Variants in GALNTL6 observed in about 807,000 individuals in gnomAD.
GALNTL6 encodes polypeptide N-acetylgalactosaminyltransferase-like 6.
GALNTL6 carries 46 observed loss-of-function variants against 73.7 expected under a neutral mutation model. That is an observed-to-expected ratio of 0.62 (90% CI 0.49 to 0.80). GALNTL6 has a LOEUF of 0.80. GALNTL6 is among the 30% of genes least tolerant of loss of function. The pLI, the probability that GALNTL6 is intolerant of heterozygous loss-of-function variation, is 0.00. For missense variants in GALNTL6, 604 were observed against 755.0 expected (o/e 0.80, Z 2.34); for synonymous variants, 259 against 263.7 (o/e 0.98, Z 0.17).
chr4:172,839,239 T>A (rs769244240), intron 7 of GALNTL6, among the ~76,000 whole-genome samples: 6 of 152,080 alleles, frequency 3.9e-5, no homozygotes, highest in Non-Finnish European at 7.4e-5. Flanking sequence ...GCTGCCAGAG[T>A]TGTTATGCCT....
chr4:171,996,690 C>T (rs112657907), intron 2 of GALNTL6, among the ~76,000 whole-genome samples: 14 of 145,990 alleles, frequency 9.6e-5, no homozygotes, highest in Middle Eastern at 3.6e-3. Flanking sequence ...TCTCTTGGGC[C>T]ACACATAATA....
chr4:172,595,192 G>A (rs1271695782), intron 5 of GALNTL6, among the ~76,000 whole-genome samples: 2 of 152,106 alleles, frequency 1.3e-5, no homozygotes, highest in Non-Finnish European at 2.9e-5. Context: ...ATGAATTTGT[G>A]GGGGAGCACA....
At chr4:172,331,790 T>G (rs1341366965) in intron 4 of GALNTL6, among the ~76,000 whole-genome samples, 1 of 152,180 alleles carries the variant, frequency 6.6e-6, no homozygotes, top group East Asian at 1.9e-4. Flanking sequence ...CAACAAACAT[T>G]TGGGTTTCTT....
At chr4:172,393,170 G>A (rs1404526186) in intron 5 of GALNTL6, among the ~76,000 whole-genome samples, 1 of 152,142 alleles carries the variant, frequency 6.6e-6, no homozygotes, top group African/African-American at 2.4e-5. Flanking sequence ...TGCCAAAAAG[G>A]GAGCCGCTGC....
chr4:171,955,405 C>A (rs939959441), intron 2 of GALNTL6, among the ~76,000 whole-genome samples: 4 of 151,662 alleles, frequency 2.6e-5, no homozygotes, highest in African/African-American at 7.3e-5. Flanking sequence ...TGTTTACACA[C>A]ACACATACAG....
chr4:171,864,343 A>G (rs904814672), intron 2 of GALNTL6, among the ~76,000 whole-genome samples: 1 of 151,566 alleles, frequency 6.6e-6, no homozygotes, highest in Non-Finnish European at 1.5e-5. Flanking sequence ...AGAAAATGAA[A>G]GACAACTCAG....
intron 10 of GALNTL6, among the ~76,000 whole-genome samples, chr4:172,999,361 C>T (rs1165526138): frequency 2.0e-5 from 3 of 152,222 alleles, no homozygotes; most frequent in East Asian, 1.9e-4. Context: ...CACACACACA[C>T]GAAAAACCTT....
At chr4:172,488,381 A>G (rs753349417) in intron 5 of GALNTL6, among the ~76,000 whole-genome samples, 17 of 152,168 alleles carry the variant, frequency 1.1e-4, no homozygotes, top group Non-Finnish European at 1.5e-4. Context: ...ACCTGGGAAG[A>G]TGGTGTCTAG....
At chr4:172,002,556 A>G (rs187484575) in intron 2 of GALNTL6, among the ~76,000 whole-genome samples, 153 of 152,212 alleles carry the variant, frequency 1.0e-3, no homozygotes, top group African/African-American at 3.6e-3. Context: ...GATCTGTAAT[A>G]CTAACTATAT....
intron 5 of GALNTL6, among the ~76,000 whole-genome samples, chr4:172,781,439 A>C (rs1739363335): frequency 6.6e-6 from 1 of 152,240 alleles, no homozygotes; most frequent in South Asian, 2.1e-4. Flanking sequence ...CTGAGAATAA[A>C]ATGAAACAAG....
intron 5 of GALNTL6, among the ~76,000 whole-genome samples, chr4:172,395,653 T>A (rs1743822388): frequency 6.6e-6 from 1 of 152,290 alleles, no homozygotes; most frequent in Admixed American, 6.5e-5. Context: ...GAAGTCTGAC[T>A]TAATGTAGTT....
chr4:172,945,220 T>A (rs928652158), intron 9 of GALNTL6, among the ~76,000 whole-genome samples: 1 of 152,112 alleles, frequency 6.6e-6, no homozygotes, highest in African/African-American at 2.4e-5. Flanking sequence ...AAATACAAAT[T>A]AAACTATAGT....
chr4:172,207,008 G>A (rs1045632181), intron 2 of GALNTL6, among the ~76,000 whole-genome samples: 1 of 150,730 alleles, frequency 6.6e-6, no homozygotes, highest in Non-Finnish European at 1.5e-5. Context: ...TAGTAGAGGC[G>A]GGGTTTCACC....
intron 2 of GALNTL6, among the ~76,000 whole-genome samples, chr4:172,181,294 G>T (rs1735235238): frequency 6.6e-6 from 1 of 152,156 alleles, no homozygotes; most frequent in Non-Finnish European, 1.5e-5. Context: ...TTCATCCCTG[G>T]GATGCAAGGT....
intron 2 of GALNTL6, among the ~76,000 whole-genome samples, chr4:171,907,130 G>A (rs1485458218): frequency 4.6e-5 from 7 of 152,012 alleles, no homozygotes; most frequent in Admixed American, 3.9e-4. Context: ...ACATAGTGTT[G>A]GAAGTTCTGG....
At chr4:172,821,195 C>G (rs1360258723) in intron 7 of GALNTL6, among the ~76,000 whole-genome samples, 1 of 152,198 alleles carries the variant, frequency 6.6e-6, no homozygotes, top group Non-Finnish European at 1.5e-5. Context: ...CTGTGGTTTT[C>G]TAATTTTGCA....
At position 172,085,861 on chromosome 4, in the gene GALNTL6, C is replaced by G. The variant is rs551584614; in HGVS notation, c.139-143795C>G. On this transcript the variant is annotated intron_variant, in intron 2 of 12. Coordinates refer to ENST00000506823, the MANE Select transcript of GALNTL6 (RefSeq NM_001034845.3). ...AGCTTTATAATTTTTTAATTTTGTG[C>G]TTTATCATACTTTTCATTTCATGAC... 2.0e-5 allele frequency among the ~76,000 whole-genome samples: 3 copies of G among 152,074 alleles called. No homozygotes were observed. The East Asian group carries it at 5.8e-4, about 29-fold the overall frequency.
chr4:172,901,447 C>T (rs902251606), intron 8 of GALNTL6, among the ~76,000 whole-genome samples: 1 of 152,156 alleles, frequency 6.6e-6, no homozygotes, highest in Non-Finnish European at 1.5e-5. Flanking sequence ...GTGGAAAGCA[C>T]TGTAAAATAT....
chr4:171,834,690 G>T, intron 2 of GALNTL6, among the ~76,000 whole-genome samples: 1 of 151,928 alleles, frequency 6.6e-6, no homozygotes, highest in East Asian at 1.9e-4. Context: ...GAAAAGTGTG[G>T]ATATACCATC....
Sources: gnomAD v4.1 joint callset for allele counts (sites outside exome capture counted in the v4.1 genomes callset) on GRCh38, gnomAD v4.1.1 for gene constraint, MANE v1.5 for transcripts, NCBI Gene and HGNC (gene_info 2026-07-23, HGNC 2026-07-21) for gene names.